The following RPS6KA2 variants were observed in gnomAD, a reference collection of about 807,000 sequenced individuals.
RPS6KA2 encodes the protein ribosomal protein S6 kinase alpha-2.
RPS6KA2 carries 42 observed loss-of-function variants against 91.8 expected under a neutral mutation model. That is an observed-to-expected ratio of 0.46 (90% CI 0.36 to 0.59). RPS6KA2 has a LOEUF of 0.59. Among genes scored for constraint, RPS6KA2 ranks in the 20% least tolerant of loss-of-function variants. The pLI, the probability that RPS6KA2 is intolerant of heterozygous loss-of-function variation, is 0.00. For missense variants in RPS6KA2, 798 were observed against 978.5 expected, an observed-to-expected ratio of 0.82 and a Z score of 2.46; for synonymous variants, 414 against 393.6, an observed-to-expected ratio of 1.05 and a Z score of -0.61.
At position 166,591,231 on chromosome 6, in the gene RPS6KA2, C is replaced by T. The variant is rs1184172530; in HGVS notation, c.99+35690G>A. ...CCCTCCACGGGAGGCCCTGGGGGCA[C>T]CTCGGAAAGATGTTACCATCATTCA... On this transcript the variant is annotated intron_variant, in intron 1 of 20. Coordinates refer to ENST00000265678, the MANE Select transcript of RPS6KA2 (RefSeq NM_021135.6). Among the ~76,000 whole-genome samples the T allele has an allele frequency of 6.6e-5, 10 of 152,270 alleles. No individual in the cohort carries two copies. The East Asian group carries it at 1.5e-3, about 24-fold the overall frequency.
chr6:166,729,954 G>A (rs1208601718), intron 2 of RPS6KA2, among the ~76,000 whole-genome samples: 5 of 152,190 alleles, frequency 3.3e-5, no homozygotes, highest in Admixed American at 6.5e-5. Flanking sequence ...CCCACTGCAG[G>A]AGGGTTTTTC....
In RPS6KA2 at chr6:166,775,251, G is replaced by GC. The variant is rs796092072; in HGVS notation, c.123+82948dup. Reference sequence around the variant, plus strand: ...TCCAAAAAATACACACTCATTGAAAGCCCCCCCCACCCCCGGCCCCTTCGC... The same window carrying GC: ...TCCAAAAAATACACACTCATTGAAAGCCCCCCCCCACCCCCGGCCCCTTCGC... On this transcript the variant is annotated intron_variant, in intron 2 of 21. Transcript: ENST00000503859. 3.8e-3 allele frequency among the ~76,000 whole-genome samples: 570 copies of GC among 149,132 alleles called. 3 individuals are homozygous for GC. Among genetic ancestry groups the GC allele is most frequent in the African/African-American group, 0.01 (411 of 39,948 alleles).
intron 1 of RPS6KA2, among the ~76,000 whole-genome samples, chr6:166,582,068 A>G (rs7753774): frequency 0.38 from 4,971 of 12,990 alleles, 1,175 homozygotes; most frequent in African/African-American, 0.6. Context: ...CCAGGGAGAG[A>G]TGAGATGGGG....
rs117895758 is a variant in RPS6KA2, at chr6:166,693,007, A to C, written c.124-154223T>G. On this transcript the variant is annotated intron_variant, in intron 2 of 21. Coordinates refer to the RPS6KA2 transcript ENST00000503859. The stretch of plus-strand genomic sequence containing the variant: ...CTCGGGATCATCCGAAACTCAGGAG[A>C]GGGCAAGAGGCAGTTGATTGCAGCA... Among the ~76,000 whole-genome samples, 743 of 152,324 alleles carry C rather than the reference A, an allele frequency of 4.9e-3. 7 individuals are homozygous for C. The highest frequency in any genetic ancestry group is 0.042 in the South Asian group (204 of 4,828).
At chr6:166,692,429 G>A (rs1311020048) in intron 2 of RPS6KA2, among the ~76,000 whole-genome samples, 3 of 152,128 alleles carry the variant, frequency 2.0e-5, no homozygotes, top group African/African-American at 7.2e-5. Context: ...TGGAAACCCA[G>A]CCATGGCAAA....
chr6:166,453,570 A>G (rs1779988215), intron 12 of RPS6KA2, among the ~76,000 whole-genome samples: 1 of 152,246 alleles, frequency 6.6e-6, no homozygotes, highest in African/African-American at 2.4e-5. Flanking sequence ...TCAAAAAAAT[A>G]ACAGATGTTG....
chr6:166,431,258 C>T (rs1430879859), intron 15 of RPS6KA2, among the ~76,000 whole-genome samples: 1 of 152,214 alleles, frequency 6.6e-6, no homozygotes, highest in Non-Finnish European at 1.5e-5. Context: ...TTAAGAAATG[C>T]AAATGTTGGC....
At chr6:166,803,403 T>C (rs1779417781) in intron 2 of RPS6KA2, among the ~76,000 whole-genome samples, 1 of 152,212 alleles carries the variant, frequency 6.6e-6, no homozygotes, top group Non-Finnish European at 1.5e-5. Flanking sequence ...AGTTTTGTTT[T>C]GGTAAACAAA....
chr6:166,756,617 G>A (rs567914222), intron 2 of RPS6KA2, among the ~76,000 whole-genome samples: 25 of 152,282 alleles, frequency 1.6e-4, no homozygotes, highest in South Asian at 8.3e-4. Context: ...GGAGGCCAAG[G>A]TGGGTGGATC....
intron 2 of RPS6KA2, among the ~76,000 whole-genome samples, chr6:166,641,009 A>G (rs1455146856): frequency 6.6e-6 from 1 of 152,206 alleles, no homozygotes; most frequent in Non-Finnish European, 1.5e-5. Flanking sequence ...CACTGCTAGT[A>G]TGGCCTGAAA....
chr6:166,644,637 A>G (rs1787552357), intron 2 of RPS6KA2, among the ~76,000 whole-genome samples: 1 of 152,238 alleles, frequency 6.6e-6, no homozygotes, highest in Non-Finnish European at 1.5e-5. Flanking sequence ...ACATATTAAA[A>G]AGTAAAGAGA....
At chr6:166,623,438 T>C (rs564187293) in intron 1 of RPS6KA2, among the ~76,000 whole-genome samples, 6 of 152,304 alleles carry the variant, frequency 3.9e-5, no homozygotes, top group South Asian at 2.1e-4. Flanking sequence ...GTGAGGGTGG[T>C]GCATTTCCTT....
intron 1 of RPS6KA2, among the ~76,000 whole-genome samples, chr6:166,590,425 C>CA (rs1486155239): frequency 6.6e-6 from 1 of 152,154 alleles, no homozygotes; most frequent in Non-Finnish European, 1.5e-5. Flanking sequence ...GATCCTATTT[C>CA]AGGGCTGGGC....
chr6:166,541,174 C>T (rs1248726911), intron 1 of RPS6KA2, among the ~76,000 whole-genome samples: 1 of 152,182 alleles, frequency 6.6e-6, no homozygotes, highest in African/African-American at 2.4e-5. Flanking sequence ...CACCAAAGCA[C>T]ACCCTTCTGT....
chr6:166,791,407 A>T (rs1403900608), intron 2 of RPS6KA2, among the ~76,000 whole-genome samples: 1 of 152,112 alleles, frequency 6.6e-6, no homozygotes, highest in Non-Finnish European at 1.5e-5. Context: ...CTCCCACACA[A>T]TAATAATGGG....
In RPS6KA2 at chr6:166,530,492, G is replaced by T. The variant is rs548877442; in HGVS notation, c.298+740C>A. 1.8e-4 allele frequency among the ~76,000 whole-genome samples: 28 copies of T among 152,316 alleles called. No individual in the cohort carries two copies. The South Asian group carries it at 2.7e-3, about 15-fold the overall frequency. On this transcript the variant is annotated intron_variant, in intron 3 of 20. Coordinates refer to ENST00000265678, the MANE Select transcript of RPS6KA2 (RefSeq NM_021135.6). The stretch of plus-strand genomic sequence containing the variant: ...CCCCCGTGACGCCCTGTGTGGCACG[G>T]GGTGCCCTCCTCCCCAGGGGGTCAG...
At chr6:166,611,258 G>A (rs999223599) in intron 1 of RPS6KA2, among the ~76,000 whole-genome samples, 4 of 152,068 alleles carry the variant, frequency 2.6e-5, no homozygotes, top group African/African-American at 9.7e-5. Flanking sequence ...ATTTCAACAA[G>A]TCCAAAGCTG....
exon 1 of RPS6KA2, chr6:166,862,501 A>G: frequency 1.7e-6 from 1 of 582,040 alleles, no homozygotes; most frequent in South Asian, 2.4e-5. Context: ...CGGCTTCGGA[A>G]TCTGTACTGC....
chr6:166,645,713 A>G (rs1582980231), intron 2 of RPS6KA2, among the ~76,000 whole-genome samples: 1 of 152,380 alleles, frequency 6.6e-6, no homozygotes, highest in African/African-American at 2.4e-5. Flanking sequence ...TTGTACCCAC[A>G]GAGTTCTTGG....
Sources: allele counts gnomAD v4.1 joint callset (sites outside exome capture counted in the v4.1 genomes callset), GRCh38; gene constraint gnomAD v4.1.1; transcripts MANE v1.5; gene names NCBI Gene and HGNC (gene_info 2026-07-23, HGNC 2026-07-21).